CTNNA1: variants seen among roughly 807,000 people sequenced by gnomAD.
The protein encoded by CTNNA1 is catenin alpha-1.
In CTNNA1, 37 loss-of-function variants were observed where a neutral mutation model predicts 98.4. That is an observed-to-expected ratio of 0.38 (90% confidence interval 0.29 to 0.49). The LOEUF (loss-of-function observed/expected upper bound fraction) is 0.49. Among genes scored for constraint, CTNNA1 ranks in the 20% least tolerant of loss-of-function variants. CTNNA1 has a pLI of 0.95. For synonymous variants in CTNNA1, 404 were observed against 413.2 expected (o/e 0.98, Z 0.27); for missense variants, 761 against 1,147.2 (o/e 0.66, Z 4.86).
At chr5:138,877,722 C>A (rs1474170719) in intron 7 of CTNNA1, among the ~76,000 whole-genome samples, 1 of 152,182 alleles carries the variant, frequency 6.6e-6, no homozygotes, top group Non-Finnish European at 1.5e-5. Flanking sequence ...GCTGGGATTA[C>A]AGGCGTGAGC....
chr5:138,931,747 C>G (rs980873202), intron 16 of CTNNA1: 98 of 985,344 alleles, frequency 9.9e-5, no homozygotes, highest in Non-Finnish European at 1.0e-4. Context: ...TCTGAAAATG[C>G]AGATCACATG....
chr5:138,931,021 G>A (rs1765183336), intron 16 of CTNNA1, 86 bp downstream of exon 16: 2 of 800,170 alleles, frequency 2.5e-6, no homozygotes, highest in South Asian at 2.8e-5. Flanking sequence ...TAAGTTTCAT[G>A]GGCCACAGCA....
intron 1 of CTNNA1, among the ~76,000 whole-genome samples, chr5:138,764,088 G>A (rs757033849): frequency 3.0e-4 from 46 of 152,318 alleles, no homozygotes; most frequent in Non-Finnish European, 5.7e-4. Context: ...CTGAGTCTGA[G>A]GCAGGAGAAT....
At chr5:138,819,689 C>G (rs2149759487) in intron 5 of CTNNA1, among the ~76,000 whole-genome samples, 1 of 152,270 alleles carries the variant, frequency 6.6e-6, no homozygotes, top group East Asian at 1.9e-4. Flanking sequence ...GGCACCGCTT[C>G]AAGTTGGGCA....
chr5:138,802,942 C>T (rs2149709609), intron 3 of CTNNA1, among the ~76,000 whole-genome samples: 2 of 148,834 alleles, frequency 1.3e-5, no homozygotes, highest in East Asian at 2.0e-4. Context: ...GGATTACAGG[C>T]ATGCACCGCC....
chr5:138,830,343 C>T (rs1406260374), intron 7 of CTNNA1, among the ~76,000 whole-genome samples: 1 of 152,198 alleles, frequency 6.6e-6, no homozygotes, highest in East Asian at 1.9e-4. Context: ...GCCTGGGCGA[C>T]AGAGCGAGAT....
intron 2 of CTNNA1, 74 bp from the exon 3 acceptor site, chr5:138,783,103 A>G (rs1755311014): frequency 8.6e-7 from 1 of 1,169,236 alleles, no homozygotes; most frequent in South Asian, 1.7e-5. Flanking sequence ...GAATAACTTA[A>G]TCTTGCTGTC....
intron 7 of CTNNA1, among the ~76,000 whole-genome samples, chr5:138,878,558 T>A (rs1752171639): frequency 6.6e-6 from 1 of 152,214 alleles, no homozygotes; most frequent in Admixed American, 6.5e-5. Context: ...ACCTGTCTCC[T>A]CTCTGTAAAT....
At chr5:138,885,366 T>C (rs928875764) in intron 7 of CTNNA1, among the ~76,000 whole-genome samples, 3 of 152,216 alleles carry the variant, frequency 2.0e-5, no homozygotes, top group African/African-American at 7.2e-5. Context: ...GTATTTGTTT[T>C]GCGAAAACAA....
chr5:138,892,256 ATACT>A (rs1214131082), intron 9 of CTNNA1, among the ~76,000 whole-genome samples: 3 of 151,780 alleles, frequency 2.0e-5, no homozygotes, highest in Non-Finnish European at 4.4e-5. Flanking sequence ...GGGTTAACAC[ATACT>A]TACATATTTT....
chr5:138,883,996 A>G (rs780501206), intron 7 of CTNNA1, among the ~76,000 whole-genome samples: 25 of 152,224 alleles, frequency 1.6e-4, no homozygotes, highest in Non-Finnish European at 3.5e-4. Context: ...GAAGAAATAA[A>G]TATTCTAGGG....
At position 138,824,578 on chromosome 5, in the gene CTNNA1, A is replaced by G. The variant is rs201391408; in HGVS notation, c.637A>G (p.Ile213Val). ...HRDQMAAARG[I>V]LQKNVPILYT... ...TGATCAGATGGCTGCAGCTAGAGGA[A>G]TCCTGCAGAAGAACGTTCCGATCCT... is the stretch of plus-strand genomic sequence containing the variant. The change falls in exon 6 of 18, where the codon ATC becomes GTC. Residue 213 changes from isoleucine (I) to valine (V), a missense_variant. Around this residue, in one of 6 missense-constraint regions of CTNNA1, gnomAD observed 328 missense variants for 354.3 expected, o/e 0.93. Transcript: ENST00000302763. The G allele has an allele frequency of 3.3e-5, 54 of 1,614,222 alleles. No homozygotes were observed. Among genetic ancestry groups the G allele is most frequent in the Middle Eastern group, 3.3e-4 (2 of 6,060 alleles).
Position 138,873,420 on chromosome 5 carries a change from A to G in CTNNA1, c.1063-12792A>G, listed in dbSNP as rs1254144720. 4.3e-6 allele frequency: 7 copies of G among 1,613,994 alleles called. No individual in the cohort carries two copies. Among genetic ancestry groups the G allele is most frequent in the Non-Finnish European group, 5.9e-6 (7 of 1,179,894 alleles). On this transcript the variant is annotated intron_variant, in intron 7 of 17. Coordinates refer to ENST00000302763, the MANE Select transcript of CTNNA1 (RefSeq NM_001903.5). This position sits in a 1 kb window ranked among gnomAD's most constrained non-coding sequence, Gnocchi z 6.1. ...CTTGATGAGCTTATTCTTTTTGTAT[A>G]TTCAGTGGTTGGATCTCTATAAGTT... is the stretch of plus-strand genomic sequence containing the variant.
chr5:138,862,584 A>G (rs1764392991), intron 7 of CTNNA1, among the ~76,000 whole-genome samples: 1 of 152,236 alleles, frequency 6.6e-6, no homozygotes, highest in African/African-American at 2.4e-5. Context: ...TTTTTGAGTT[A>G]GGGATTTTAA....
intron 3 of CTNNA1, among the ~76,000 whole-genome samples, chr5:138,796,857 T>C (rs1757038060): frequency 6.6e-6 from 1 of 152,242 alleles, no homozygotes; most frequent in Admixed American, 6.5e-5. Context: ...CTCTTTTGGA[T>C]TTGGCAGTTG....
chr5:138,791,785 A>G, intron 3 of CTNNA1, among the ~76,000 whole-genome samples: 1 of 103,480 alleles, frequency 9.7e-6, no homozygotes. Context: ...TTGTTTTCTC[A>G]GCTTTTTTTT....
chr5:138,805,000 C>T (rs1757938435), intron 3 of CTNNA1, among the ~76,000 whole-genome samples: 1 of 152,070 alleles, frequency 6.6e-6, no homozygotes, highest in Admixed American at 6.5e-5. Context: ...CCTCAGGAAG[C>T]TTCCAATCAT....
In CTNNA1 at chr5:138,810,144, C is replaced by T. The variant is rs762579616; in HGVS notation, c.408C>T (p.Thr136=). 1.4e-5 allele frequency: 23 copies of T among 1,614,036 alleles called. No homozygotes were observed. The highest frequency in any genetic ancestry group is 1.8e-5 in the Non-Finnish European group (21 of 1,180,024). ...RAARALLSAV[T]RLLILADMAD... is the part of the protein sequence containing the mutation. ...CTCGAGCTTTGCTCTCTGCTGTTAC[C>T]CGGTTGCTGATTTTGGCTGACATGG... The change falls in exon 4 of 18, where the codon ACC becomes ACT. Residue 136 remains threonine, a synonymous_variant. Coordinates refer to ENST00000302763, the MANE Select transcript of CTNNA1 (RefSeq NM_001903.5).
rs200808250 is a variant in CTNNA1, at chr5:138,929,222, C to T, written c.1900-24C>T. ...CTGGTGGCCCAGAGATGTGTCTGACCTGTGATCTTTGTCTGGGTGGCAGAC... is the reference window on the plus strand; with the variant it reads ...CTGGTGGCCCAGAGATGTGTCTGACTTGTGATCTTTGTCTGGGTGGCAGAC... On this transcript the variant is annotated intron_variant, in intron 13 of 17. Coordinates refer to ENST00000302763, the MANE Select transcript of CTNNA1 (RefSeq NM_001903.5). The T allele has an allele frequency of 9.3e-5, 122 of 1,306,286 alleles. No individual in the cohort carries two copies. The East Asian group carries it at 2.6e-3, about 27-fold the overall frequency. The allele number at this position is 1,306,286 out of a possible 1,614,324, so 80.9% of individuals were successfully genotyped here.
Sources: allele counts gnomAD v4.1 joint callset (sites outside exome capture counted in the v4.1 genomes callset), GRCh38; gene constraint gnomAD v4.1.1; regional missense constraint gnomAD v4.1.1; non-coding constraint Gnocchi (gnomAD v3.1); transcripts MANE v1.5; gene names NCBI Gene and HGNC (gene_info 2026-07-23, HGNC 2026-07-21).